Variants in GLP2R observed in about 807,000 individuals in gnomAD.
GLP2R encodes the protein glucagon-like peptide 2 receptor.
A neutral mutation model predicts 68.2 loss-of-function variants in GLP2R; 59 were observed. That is an observed-to-expected ratio of 0.87 (90% CI 0.70 to 1.07). The LOEUF is 1.07. Among genes scored for constraint, GLP2R ranks in the 50% least tolerant of loss-of-function variants. GLP2R has a pLI of 0.00. For synonymous variants in GLP2R, 270 were observed against 265.4 expected, an observed-to-expected ratio of 1.02 and a Z score of -0.17; for missense variants, 548 against 677.4, an observed-to-expected ratio of 0.81 and a Z score of 2.12.
intron 4 of GLP2R, among the ~76,000 whole-genome samples, chr17:9,845,171 A>C (rs2066826218): frequency 6.8e-6 from 1 of 146,330 alleles, no homozygotes; most frequent in Non-Finnish European, 1.5e-5. Flanking sequence ...TGATCCTCCC[A>C]CCTCAGCCTC....
intron 5 of GLP2R, among the ~76,000 whole-genome samples, chr17:9,857,035 C>T (rs2066939941): frequency 6.6e-6 from 1 of 152,078 alleles, no homozygotes; most frequent in Non-Finnish European, 1.5e-5. Flanking sequence ...AATTCTTCTG[C>T]CTCAGCCTCC....
At chr17:9,879,290 A>T (rs528413616) in intron 10 of GLP2R, among the ~76,000 whole-genome samples, 4 of 16,830 alleles carry the variant, frequency 2.4e-4, no homozygotes, top group African/African-American at 3.8e-4. Flanking sequence ...ATAAAATAAA[A>T]TAAATAAAAT....
chr17:9,842,232 A>C (rs1188661536), intron 3 of GLP2R, among the ~76,000 whole-genome samples: 1 of 152,208 alleles, frequency 6.6e-6, no homozygotes, highest in African/African-American at 2.4e-5. Flanking sequence ...GAGGGCTTAT[A>C]ACATCACTGA....
At chr17:9,849,533 C>T (rs2066872025) in intron 4 of GLP2R, among the ~76,000 whole-genome samples, 2 of 151,398 alleles carry the variant, frequency 1.3e-5, no homozygotes, top group East Asian at 3.9e-4. Context: ...GATAGTATTT[C>T]ACTTAGCATA....
At chr17:9,846,055 A>C (rs2066835531) in intron 4 of GLP2R, among the ~76,000 whole-genome samples, 1 of 152,164 alleles carries the variant, frequency 6.6e-6, no homozygotes, top group Non-Finnish European at 1.5e-5. Context: ...ATTCTAGTTC[A>C]TCGAATACAT....
chr17:9,857,653 G>A, intron 6 of GLP2R, 77 bp downstream of exon 6: 2 of 1,419,916 alleles, frequency 1.4e-6, no homozygotes, highest in South Asian at 2.4e-5. Flanking sequence ...GCAGGCAGGT[G>A]GGACTAGGGA....
At chr17:9,855,260 C>T (rs2066924821) in intron 5 of GLP2R, among the ~76,000 whole-genome samples, 1 of 152,178 alleles carries the variant, frequency 6.6e-6, no homozygotes, top group Admixed American at 6.5e-5. Flanking sequence ...TAAGTCCAAT[C>T]CATCCCATTT....
rs994069367 is a variant in GLP2R at position 9,870,751 on chromosome 17, A to G, written c.1061A>G (p.Asn354Ser). The G allele has an allele frequency of 1.3e-6, 2 of 1,498,726 alleles. No homozygotes were observed. Among genetic ancestry groups the G allele is most frequent in the African/African-American group, 1.4e-5 (1 of 72,904 alleles). 92.8% of individuals were successfully genotyped at this position (1,498,726 alleles called of 1,614,324 possible). A position where few individuals can be genotyped will look rare whatever the true frequency, so the allele number is the denominator to read the frequency against. Reference sequence around the variant, plus strand: ...AATTCTGCTCTTTTTTTCAAGGTCAATTTCTTCATCTTCCTGAAAATTCTC... The same window carrying G: ...AATTCTGCTCTTTTTTTCAAGGTCAGTTTCTTCATCTTCCTGAAAATTCTC... The part of the protein sequence containing the change: ...RGPMMLCVTV[N>S]FFIFLKILKL... The change falls in exon 10 of 13, where the codon AAT becomes AGT. Residue 354 changes from asparagine (N) to serine (S), a missense_variant. Physicochemically the swap from Asn to Ser is conservative, Grantham distance 46. Coordinates refer to ENST00000262441, the MANE Select transcript of GLP2R (RefSeq NM_004246.3).
At chr17:9,855,766 G>A (rs1023420230) in intron 5 of GLP2R, among the ~76,000 whole-genome samples, 4 of 152,166 alleles carry the variant, frequency 2.6e-5, no homozygotes, top group Non-Finnish European at 5.9e-5. Flanking sequence ...CAAGATCACC[G>A]GCTGGTGGGT....
chr17:9,828,461 G>A (rs1424517793), intron 1 of GLP2R, among the ~76,000 whole-genome samples: 2 of 152,240 alleles, frequency 1.3e-5, no homozygotes, highest in Non-Finnish European at 2.9e-5. Context: ...GTTCACAAAT[G>A]TGGATTGCTG....
At chr17:9,865,958 C>T in intron 9 of GLP2R, 2 of 470,046 alleles carry the variant, frequency 4.3e-6, no homozygotes, top group South Asian at 3.1e-5. Context: ...ATTAGATCTT[C>T]ATGTCTATCA....
chr17:9,842,068 C>T (rs1470467517), intron 3 of GLP2R, among the ~76,000 whole-genome samples: 3 of 150,118 alleles, frequency 2.0e-5, no homozygotes, highest in Non-Finnish European at 2.9e-5. Flanking sequence ...CCAGGACACA[C>T]TCATGCATGG....
At chr17:9,833,070 G>A (rs1217884831) in intron 1 of GLP2R, among the ~76,000 whole-genome samples, 1 of 152,086 alleles carries the variant, frequency 6.6e-6, no homozygotes, top group Non-Finnish European at 1.5e-5. Flanking sequence ...AGACCATCCT[G>A]CCCAACATGG....
chr17:9,875,651 G>T (rs963707201), intron 10 of GLP2R, among the ~76,000 whole-genome samples: 1 of 152,170 alleles, frequency 6.6e-6, no homozygotes, highest in African/African-American at 2.4e-5. Flanking sequence ...TGGAGAAAGA[G>T]AACTGAGCCA....
At chr17:9,855,549 G>T (rs765163673) in intron 5 of GLP2R, among the ~76,000 whole-genome samples, 8 of 152,210 alleles carry the variant, frequency 5.3e-5, no homozygotes, top group Non-Finnish European at 1.0e-4. Flanking sequence ...ATGGATGGAA[G>T]AGCTGGGATT....
At chr17:9,876,930 C>T (rs1281026541) in intron 10 of GLP2R, among the ~76,000 whole-genome samples, 2 of 152,240 alleles carry the variant, frequency 1.3e-5, no homozygotes, top group East Asian at 1.9e-4. Flanking sequence ...TGAGGGTTTA[C>T]CCCATGTTAT....
rs573496570 is a variant in GLP2R at position 9,835,177 on chromosome 17, C to T, written c.278-1194C>T. ...CTGAGTAGCTGGGATTACAGGCGCCCGCCACCACTCCCAGCTAATTTTTGT... is the reference window on the plus strand; with the variant it reads ...CTGAGTAGCTGGGATTACAGGCGCCTGCCACCACTCCCAGCTAATTTTTGT... On this transcript the variant is annotated intron_variant, in intron 2 of 12. Transcript: ENST00000262441. Among the ~76,000 whole-genome samples, 307 of 151,964 alleles carry T rather than the reference C, an allele frequency of 2.0e-3. 2 individuals are homozygous for T. The highest frequency in any genetic ancestry group is 2.8e-3 in the Non-Finnish European group (188 of 67,964).
chr17:9,881,411 C>T (rs1006736177), intron 11 of GLP2R, among the ~76,000 whole-genome samples: 5 of 118,618 alleles, frequency 4.2e-5, no homozygotes, highest in African/African-American at 8.9e-5. Context: ...GACGGAGTCT[C>T]GCTCTGTCGC....
chr17:9,887,867 C>A (rs187900417), intron 11 of GLP2R, 65 bp from the exon 12 acceptor site: 124 of 1,197,828 alleles, frequency 1.0e-4, no homozygotes, highest in Non-Finnish European at 1.4e-4. Context: ...TTGGACGTTG[C>A]CAGTAACTCT....
Sources: allele counts gnomAD v4.1 joint callset (sites outside exome capture counted in the v4.1 genomes callset), GRCh38; gene constraint gnomAD v4.1.1; transcripts MANE v1.5; gene names NCBI Gene and HGNC (gene_info 2026-07-23, HGNC 2026-07-21).